The following FZD4 variants were observed in gnomAD, a reference collection of about 807,000 sequenced individuals.
FZD4 encodes the protein frizzled class receptor 4.
Under a neutral mutation model 37.3 loss-of-function variants are expected in FZD4, and 16 were observed. That is an observed-to-expected ratio of 0.43 (90% CI 0.29 to 0.65). The LOEUF (loss-of-function observed/expected upper bound fraction) is 0.65, where lower values mean the gene tolerates loss of function less well. Ranked by LOEUF, FZD4 falls within the 30% of genes least tolerant of loss-of-function variation. The pLI, the probability that FZD4 is intolerant of heterozygous loss-of-function variation, is 0.16. For synonymous variants in FZD4, 246 were observed against 254.8 expected, an observed-to-expected ratio of 0.97 and a Z score of 0.33; for missense variants, 599 against 674.3, an observed-to-expected ratio of 0.89 and a Z score of 1.24.
At chr11:86,953,130 A>G (rs1949308664) in intron 1 of FZD4, among the ~76,000 whole-genome samples, 1 of 152,192 alleles carries the variant, frequency 6.6e-6, no homozygotes, top group Non-Finnish European at 1.5e-5. Flanking sequence ...AGTCGCTGAA[A>G]CTGCAGTACC....
Position 86,954,897 on chromosome 11 carries a change from C to T in FZD4, c.189G>A (p.Met63Ile). 6.2e-7 allele frequency: 1 copy of T among 1,613,522 alleles called. No homozygotes were observed. The highest frequency in any genetic ancestry group is 8.5e-7 in the Non-Finnish European group (1 of 1,179,886). ...CQNLGYNVTK[M>I]PNLVGHELQT... ...GCAGCTCGTGCCCAACCAGGTTGGG[C>T]ATCTTGGTCACGTTGTAGCCGAGGT... Residue 63 changes from methionine (M) to isoleucine (I), a missense_variant, in exon 1 of 2, where the codon ATG (methionine) becomes ATA (isoleucine). Met to Ile is a conservative substitution (Grantham distance 10, BLOSUM62 1). Around this residue, in one of 3 missense-constraint regions of FZD4, gnomAD observed 357 missense variants for 396.1 expected, o/e 0.90. Coordinates refer to ENST00000531380, the MANE Select transcript of FZD4 (RefSeq NM_012193.4).
In FZD4 at chr11:86,955,108, G is replaced by T; in HGVS notation, c.-23C>A. Reference sequence around the variant, plus strand: ...CATGGCCAGCATCGGGGGTAGCAGCGGCAGCGGCTGGGGCTGCTCTGGCAG... The same window carrying T: ...CATGGCCAGCATCGGGGGTAGCAGCTGCAGCGGCTGGGGCTGCTCTGGCAG... On this transcript the variant is annotated 5_prime_UTR_variant, in exon 1 of 2. Coordinates refer to ENST00000531380, the MANE Select transcript of FZD4 (RefSeq NM_012193.4). 1 of 1,458,734 alleles carries T rather than the reference G, an allele frequency of 6.9e-7. No homozygotes were observed. Among genetic ancestry groups the T allele is most frequent in the Non-Finnish European group, 9.0e-7 (1 of 1,109,954 alleles). The allele number at this position is 1,458,734 out of a possible 1,614,324, so 90.4% of individuals were successfully genotyped here.
chr11:86,952,723 A>G, intron 1 of FZD4: 2 of 403,038 alleles, frequency 5.0e-6, no homozygotes, highest in Middle Eastern at 6.8e-4. Context: ...AATAAAATAA[A>G]TAGGGTCTGA....
In FZD4 at chr11:86,946,504, GC is replaced by G. The variant is rs1842398544; in HGVS notation, c.*4637del. ...TGCTACTATCAGGGCAACTGAGCTT[GC>G]CAAGGGGAAGAGGCATGTCGGGGGA... On this transcript the variant is annotated 3_prime_UTR_variant, in exon 2 of 2. Coordinates refer to ENST00000531380, the MANE Select transcript of FZD4 (RefSeq NM_012193.4). 6.6e-6 allele frequency: 1 copy of G among 152,278 alleles called. No homozygotes were observed. Among genetic ancestry groups the G allele is most frequent in the South Asian group, 2.1e-4 (1 of 4,834 alleles). 9.4% of individuals were successfully genotyped at this position (152,278 alleles called of 1,614,324 possible). A position where few individuals can be genotyped will look rare whatever the true frequency, so the allele number is the denominator to read the frequency against.
At position 86,951,037 on chromosome 11, in the gene FZD4, G is replaced by C; in HGVS notation, c.*105C>G. On this transcript the variant is annotated 3_prime_UTR_variant, in exon 2 of 2. Coordinates refer to ENST00000531380, the MANE Select transcript of FZD4 (RefSeq NM_012193.4). Reference sequence around the variant, plus strand: ...GACGGGGGTCACTTAATTGTTGCTAGTTTGTTCAAACTGAGATTCACTGCA... The same window carrying C: ...GACGGGGGTCACTTAATTGTTGCTACTTTGTTCAAACTGAGATTCACTGCA... 8.0e-7 allele frequency: 1 copy of C among 1,251,240 alleles called. No individual in the cohort carries two copies. The highest frequency in any genetic ancestry group is 1.2e-6 in the Non-Finnish European group (1 of 853,054). 77.5% of individuals were successfully genotyped at this position (1,251,240 alleles called of 1,614,324 possible).
rs1334618792 is a variant in FZD4 at position 86,954,956 on chromosome 11, G to A, written c.130C>T (p.Arg44Cys). The change falls in exon 1 of 2, where the codon CGC becomes TGC. Residue 44 changes from arginine to cysteine, a missense_variant. Physicochemically the swap from Arg to Cys is radical, Grantham distance 180. Transcript: ENST00000531380. ...ATGGAGATGCGGATGGGGTCGCAGC[G>A]CCGCTCTTCCTCGTCCCCGAAGCCC... ...ARGFGDEEER[R>C]CDPIRISMCQ... 1 of 1,613,682 alleles carries A rather than the reference G, an allele frequency of 6.2e-7. No individual in the cohort carries two copies. Among genetic ancestry groups the A allele is most frequent in the Non-Finnish European group, 8.5e-7 (1 of 1,179,908 alleles).
Position 86,951,929 on chromosome 11 carries a change from C to T in FZD4, c.827G>A (p.Gly276Asp). The change falls in exon 2 of 2, where the codon GGC becomes GAC. Residue 276 changes from glycine to aspartate, a missense_variant. Transcript: ENST00000531380. ...SIAYIVRLTV[G>D]RERISCDFEE... ...AAAATCACAGGATATCCTTTCCCGG[C>T]CTACAGTCAGCCTGACAATATAAGC... 1 of 1,613,856 alleles carries T rather than the reference C, an allele frequency of 6.2e-7. No homozygotes were observed. Among genetic ancestry groups the T allele is most frequent in the Non-Finnish European group, 8.5e-7 (1 of 1,179,876 alleles).
intron 1 of FZD4, chr11:86,954,326 G>GACGTCGTGAGAAGGGGCT: frequency 1.0e-6 from 1 of 985,376 alleles, no homozygotes; most frequent in Non-Finnish European, 1.2e-6. Context: ...AACGCTGCGG[G>GACGTCGTGAGAAGGGGCT]ACGTCGTGAG....
At position 86,948,896 on chromosome 11, in the gene FZD4, T is replaced by A. The variant is rs1352507638; in HGVS notation, c.*2246A>T. On this transcript the variant is annotated 3_prime_UTR_variant, in exon 2 of 2. Coordinates refer to ENST00000531380, the MANE Select transcript of FZD4 (RefSeq NM_012193.4). ...CTTCCTTCCCCTGCCTGGGCCAGAGTCCCTGCACAACTCCCAAGACACCAG... is the reference window on the plus strand; with the variant it reads ...CTTCCTTCCCCTGCCTGGGCCAGAGACCCTGCACAACTCCCAAGACACCAG... 2 of 152,460 alleles carry A rather than the reference T, an allele frequency of 1.3e-5. No individual in the cohort carries two copies. Among genetic ancestry groups the A allele is most frequent in the African/African-American group, 4.8e-5 (2 of 41,352 alleles). 9.4% of individuals were successfully genotyped at this position (152,460 alleles called of 1,614,324 possible). A position where few individuals can be genotyped will look rare whatever the true frequency, so the allele number is the denominator to read the frequency against.
At position 86,946,170 on chromosome 11, in the gene FZD4, C is replaced by T. The variant is rs1949240672; in HGVS notation, c.*4972G>A. ...TGGGAGAGATCTAGAAAGCAGCTTACCCCTCCCAAAGCCCACAGCCAAGTC... is the reference window on the plus strand; with the variant it reads ...TGGGAGAGATCTAGAAAGCAGCTTATCCCTCCCAAAGCCCACAGCCAAGTC... On this transcript the variant is annotated 3_prime_UTR_variant, in exon 2 of 2. Transcript: ENST00000531380. 2.0e-5 allele frequency: 3 copies of T among 152,378 alleles called. No homozygotes were observed. Among genetic ancestry groups the T allele is most frequent in the Middle Eastern group, 3.4e-3 (1 of 296 alleles). 9.4% of individuals were successfully genotyped at this position (152,378 alleles called of 1,614,324 possible). A position where few individuals can be genotyped will look rare whatever the true frequency, so the allele number is the denominator to read the frequency against.
rs761689986 is a variant in FZD4, at chr11:86,950,611, C to T, written c.*531G>A. 8 of 182,490 alleles carry T rather than the reference C, an allele frequency of 4.4e-5. No individual in the cohort carries two copies. In the East Asian group the frequency reaches 5.3e-4, roughly 12 times the overall value. The allele number at this position is 182,490 out of a possible 1,614,324, so 11.3% of individuals were successfully genotyped here. On this transcript the variant is annotated 3_prime_UTR_variant, in exon 2 of 2. Coordinates refer to ENST00000531380, the MANE Select transcript of FZD4 (RefSeq NM_012193.4). ...CCACAAAGTTCTAAACAGCAGACAG[C>T]GCACCACAGAAGATGTTTATGTTAC... is the stretch of plus-strand genomic sequence containing the variant.
In FZD4 at chr11:86,952,300, G is replaced by A; in HGVS notation, c.456C>T (p.Asn152=). 1.9e-6 allele frequency: 3 copies of A among 1,614,180 alleles called. No individual in the cohort carries two copies. The highest frequency in any genetic ancestry group is 2.5e-6 in the Non-Finnish European group (3 of 1,180,020). The change falls in exon 2 of 2, where the codon AAC becomes AAT. Residue 152 remains asparagine (N), a synonymous_variant. Transcript: ENST00000531380. ...CTTCCATGCACATGTGGTTGTGGTC[G>A]TTCTGTGGTGGGAATTTGCTGCAGT... ...SLNCSKFPPQ[N]DHNHMCMEGP... is the part of the protein sequence containing the mutation.
chr11:86,954,667 G>A lies in FZD4; in HGVS notation c.285+134C>T, dbSNP rs72963450. ...TCCAGTCCCTGAGAAAGTGGGGGTG[G>A]GGATGGAAATCACTTTTCCAGGAGA... On this transcript the variant is annotated intron_variant, in intron 1 of 1. Transcript: ENST00000531380. The A allele has an allele frequency of 3.2e-3, 4,618 of 1,438,872 alleles. 13 individuals carry two copies. The highest frequency in any genetic ancestry group is 3.8e-3 in the Non-Finnish European group (4,189 of 1,099,420). The allele number at this position is 1,438,872 out of a possible 1,614,324, so 89.1% of individuals were successfully genotyped here.
Position 86,949,541 on chromosome 11 carries a change from A to C in FZD4, c.*1601T>G, listed in dbSNP as rs751494480. On this transcript the variant is annotated 3_prime_UTR_variant, in exon 2 of 2. Coordinates refer to ENST00000531380, the MANE Select transcript of FZD4 (RefSeq NM_012193.4). The stretch of plus-strand genomic sequence containing the variant: ...AAGGAGAGCAACCTGTGACATAGTC[A>C]ATTTGTCCCCAAGATCTCATGATTA... 2 of 152,486 alleles carry C rather than the reference A, an allele frequency of 1.3e-5. No individual in the cohort carries two copies. Among genetic ancestry groups the C allele is most frequent in the Non-Finnish European group, 2.9e-5 (2 of 68,032 alleles). The allele number at this position is 152,486 out of a possible 1,614,324, so 9.4% of individuals were successfully genotyped here. A position where few individuals can be genotyped will look rare whatever the true frequency, so the allele number is the denominator to read the frequency against.
rs759772249 is a variant in FZD4, at chr11:86,951,954, C to A, written c.802G>T (p.Ala268Ser). 5 of 1,613,610 alleles carry A rather than the reference C, an allele frequency of 3.1e-6. No individual in the cohort carries two copies. The African/African-American group carries it at 6.7e-5, about 22-fold the overall frequency. The change falls in exon 2 of 2, where the codon GCT becomes TCT. Residue 268 changes from alanine (A) to serine (S), a missense_variant. Ala to Ser is a moderately conservative substitution (Grantham distance 99). This residue lies in a region of FZD4 where 357 missense variants were observed against 396.1 expected (regional missense o/e 0.90). Transcript: ENST00000531380. ...LSMCYNIYSI[A>S]YIVRLTVGRE... Reference sequence around the variant, plus strand: ...CCTACAGTCAGCCTGACAATATAAGCAATGCTATAAATATTATAGCACATA... The same window carrying A: ...CCTACAGTCAGCCTGACAATATAAGAAATGCTATAAATATTATAGCACATA...
chr11:86,951,050 G>T lies in FZD4; in HGVS notation c.*92C>A. ...TAATTGTTGCTAGTTTGTTCAAACTGAGATTCACTGCATAAAACTTTTAGT... is the reference window on the plus strand; with the variant it reads ...TAATTGTTGCTAGTTTGTTCAAACTTAGATTCACTGCATAAAACTTTTAGT... On this transcript the variant is annotated 3_prime_UTR_variant, in exon 2 of 2. Coordinates refer to ENST00000531380, the MANE Select transcript of FZD4 (RefSeq NM_012193.4). The T allele has an allele frequency of 7.4e-7, 1 of 1,355,724 alleles. No homozygotes were observed. The highest frequency in any genetic ancestry group is 1.1e-6 in the Non-Finnish European group (1 of 946,536). 84.0% of individuals were successfully genotyped at this position (1,355,724 alleles called of 1,614,324 possible).
chr11:86,945,859 A>C lies in FZD4; in HGVS notation c.*5283T>G, dbSNP rs1949238269. 6.6e-6 allele frequency: 1 copy of C among 151,558 alleles called. No individual in the cohort carries two copies. The highest frequency in any genetic ancestry group is 1.5e-5 in the Non-Finnish European group (1 of 68,032). The allele number at this position is 151,558 out of a possible 1,614,324, so 9.4% of individuals were successfully genotyped here. A position where few individuals can be genotyped will look rare whatever the true frequency, so the allele number is the denominator to read the frequency against. On this transcript the variant is annotated 3_prime_UTR_variant, in exon 2 of 2. Coordinates refer to ENST00000531380, the MANE Select transcript of FZD4 (RefSeq NM_012193.4). ...ATTCATTCAGGGCATGTGTAGCAGGAAGTTTGCCTGGTACCTCTTTGTCAA... is the reference window on the plus strand; with the variant it reads ...ATTCATTCAGGGCATGTGTAGCAGGCAGTTTGCCTGGTACCTCTTTGTCAA...
chr11:86,951,051 A>G lies in FZD4; in HGVS notation c.*91T>C. 1 of 1,358,804 alleles carries G rather than the reference A, an allele frequency of 7.4e-7. No individual in the cohort carries two copies. Among genetic ancestry groups the G allele is most frequent in the Non-Finnish European group, 1.1e-6 (1 of 949,122 alleles). The allele number at this position is 1,358,804 out of a possible 1,614,324, so 84.2% of individuals were successfully genotyped here. A position where few individuals can be genotyped will look rare whatever the true frequency, so the allele number is the denominator to read the frequency against. ...AATTGTTGCTAGTTTGTTCAAACTGAGATTCACTGCATAAAACTTTTAGTA... is the reference window on the plus strand; with the variant it reads ...AATTGTTGCTAGTTTGTTCAAACTGGGATTCACTGCATAAAACTTTTAGTA... On this transcript the variant is annotated 3_prime_UTR_variant, in exon 2 of 2. Coordinates refer to ENST00000531380, the MANE Select transcript of FZD4 (RefSeq NM_012193.4).
intron 1 of FZD4, chr11:86,954,589 GGT>G (rs745529251): frequency 1.1e-4 from 112 of 985,258 alleles, no homozygotes; most frequent in Non-Finnish European, 1.3e-4. Context: ...GGAAGGGCGG[GGT>G]GTAAGAGTGG....
Sources: gnomAD v4.1 joint callset for allele counts (sites outside exome capture counted in the v4.1 genomes callset) on GRCh38, gnomAD v4.1.1 for gene constraint, gnomAD v4.1.1 regional missense constraint, MANE v1.5 for transcripts, NCBI Gene and HGNC (gene_info 2026-07-23, HGNC 2026-07-21) for gene names.